The following TMCO5A variants were observed in gnomAD, a reference collection of about 807,000 sequenced individuals.
TMCO5A encodes the protein transmembrane and coiled-coil domain-containing protein 5A.
A neutral mutation model predicts 42.3 loss-of-function variants in TMCO5A; 34 were observed. That is an observed-to-expected ratio of 0.80 (90% CI 0.61 to 1.07). TMCO5A has a LOEUF of 1.07. TMCO5A is among the 50% of genes least tolerant of loss of function. The pLI is 0.00. For synonymous variants in TMCO5A, 131 were observed against 115.6 expected (o/e 1.13, Z -0.86); for missense variants, 357 against 327.9 (o/e 1.09, Z -0.69).
the TMCO5A span, among the ~76,000 whole-genome samples, chr15:38,014,672 A>G: frequency 6.6e-6 from 1 of 151,912 alleles, no homozygotes; most frequent in East Asian, 2.0e-4. Flanking sequence ...CCACAAGACT[A>G]AAATTGTTTA....
chr15:37,998,689 G>A, the TMCO5A span, among the ~76,000 whole-genome samples: 2 of 151,882 alleles, frequency 1.3e-5, no homozygotes, highest in Non-Finnish European at 2.9e-5. Context: ...TGAGTCTTTT[G>A]TGGTTCCATA....
chr15:38,037,734 G>T, the TMCO5A span, among the ~76,000 whole-genome samples: 1 of 152,218 alleles, frequency 6.6e-6, no homozygotes, highest in Non-Finnish European at 1.5e-5. Flanking sequence ...GTAATTGTTG[G>T]CCAGGCACGG....
downstream of TMCO5A, among the ~76,000 whole-genome samples, chr15:37,955,865 T>C (rs1439281113): frequency 2.0e-5 from 3 of 152,094 alleles, no homozygotes; most frequent in African/African-American, 7.2e-5. Context: ...CCTCAGCATA[T>C]GCAAAAGAAT....
At chr15:38,015,938 T>C in the TMCO5A span, among the ~76,000 whole-genome samples, 2 of 152,128 alleles carry the variant, frequency 1.3e-5, no homozygotes, top group Non-Finnish European at 2.9e-5. Context: ...GCATAGAGGA[T>C]TTTTAGGGCA....
chr15:37,999,543 C>T, the TMCO5A span, among the ~76,000 whole-genome samples: 1 of 152,118 alleles, frequency 6.6e-6, no homozygotes, highest in Non-Finnish European at 1.5e-5. Context: ...TCTGATTGCT[C>T]TAACTAGGAT....
the TMCO5A span, among the ~76,000 whole-genome samples, chr15:37,984,593 A>C: frequency 6.6e-6 from 1 of 152,004 alleles, no homozygotes; most frequent in Admixed American, 6.6e-5. Context: ...CAAATATTGA[A>C]ACCTATCACC....
At chr15:38,004,214 C>A in the TMCO5A span, among the ~76,000 whole-genome samples, 2 of 152,064 alleles carry the variant, frequency 1.3e-5, no homozygotes, top group African/African-American at 2.4e-5. Context: ...TGAGCTAGGG[C>A]CTAGAAAAGA....
At chr15:37,953,387 T>C (rs1419195961), downstream of TMCO5A, among the ~76,000 whole-genome samples, 2 of 151,938 alleles carry the variant, frequency 1.3e-5, no homozygotes, top group African/African-American at 2.4e-5. Context: ...TGCCATTCAT[T>C]TGGGGGGAAG....
downstream of TMCO5A, among the ~76,000 whole-genome samples, chr15:37,953,398 T>C (rs1472129532): frequency 6.6e-6 from 1 of 152,026 alleles, no homozygotes; most frequent in Non-Finnish European, 1.5e-5. Context: ...TGGGGGGAAG[T>C]AAGGAAAGAG....
intron 11 of TMCO5A, among the ~76,000 whole-genome samples, chr15:37,961,520 G>A (rs1890428085): frequency 6.6e-6 from 1 of 151,856 alleles, no homozygotes; most frequent in Admixed American, 6.6e-5. Context: ...CTTTGGCTAT[G>A]CGGGCTCCTT....
In TMCO5A at chr15:37,951,408, A is replaced by G; in HGVS notation, c.*174A>G. On this transcript the variant is annotated 3_prime_UTR_variant, in exon 12 of 12. Transcript: ENST00000319669. ...TCCAGGATTAACCTTGACCAGTAAAAAGCTCTGTAATAGATTTATGTGGCT... is the reference window on the plus strand; with the variant it reads ...TCCAGGATTAACCTTGACCAGTAAAGAGCTCTGTAATAGATTTATGTGGCT... 1.6e-6 allele frequency: 1 copy of G among 611,512 alleles called. No homozygotes were observed. The highest frequency in any genetic ancestry group is 2.8e-5 in the East Asian group (1 of 36,090). 37.9% of individuals were successfully genotyped at this position (611,512 alleles called of 1,614,324 possible). A position where few individuals can be genotyped will look rare whatever the true frequency, so the allele number is the denominator to read the frequency against.
At chr15:38,036,831 G>C in the TMCO5A span, among the ~76,000 whole-genome samples, 1 of 152,086 alleles carries the variant, frequency 6.6e-6, no homozygotes, top group Admixed American at 6.5e-5. Context: ...GCTCCTCCAG[G>C]TCAGGGACTA....
At chr15:38,025,722 T>A in the TMCO5A span, among the ~76,000 whole-genome samples, 1 of 152,246 alleles carries the variant, frequency 6.6e-6, no homozygotes, top group South Asian at 2.1e-4. Context: ...CTCACTGTAC[T>A]CCCATAATTT....
chr15:38,039,913 C>A, the TMCO5A span: 1 of 152,210 alleles, frequency 6.6e-6, no homozygotes, highest in African/African-American at 2.4e-5. Context: ...ATTAGCTGGG[C>A]CACATTCTCA....
At chr15:37,987,633 A>G in the TMCO5A span, among the ~76,000 whole-genome samples, 1 of 151,954 alleles carries the variant, frequency 6.6e-6, no homozygotes, top group Non-Finnish European at 1.5e-5. Flanking sequence ...CCTTTCCCCC[A>G]GTGAATTGTC....
At chr15:37,983,872 C>T in the TMCO5A span, among the ~76,000 whole-genome samples, 2,135 of 152,056 alleles carry the variant, frequency 0.014, 45 homozygotes, top group African/African-American at 0.049. Flanking sequence ...TTACAGGTGG[C>T]TGCCACCACA....
the TMCO5A span, among the ~76,000 whole-genome samples, chr15:37,982,824 G>A: frequency 1.4e-5 from 2 of 147,010 alleles, no homozygotes; most frequent in South Asian, 4.2e-4. Context: ...ATATATATAT[G>A]TGTGTGTATA....
At chr15:37,940,155 G>T (rs773257999) in intron 6 of TMCO5A, among the ~76,000 whole-genome samples, 1 of 152,052 alleles carries the variant, frequency 6.6e-6, no homozygotes, top group Non-Finnish European at 1.5e-5. Context: ...CACAGAAAAG[G>T]CTATTCTCTA....
chr15:38,034,189 T>A, the TMCO5A span, among the ~76,000 whole-genome samples: 1 of 152,074 alleles, frequency 6.6e-6, no homozygotes, highest in East Asian at 1.9e-4. Context: ...TTTTATAAAG[T>A]CACTAATCAC....
Sources: allele counts gnomAD v4.1 joint callset (sites outside exome capture counted in the v4.1 genomes callset), GRCh38; gene constraint gnomAD v4.1.1; transcripts MANE v1.5; gene names NCBI Gene and HGNC (gene_info 2026-07-23, HGNC 2026-07-21).